Variants in DAZAP1 observed in about 807,000 individuals in gnomAD.
DAZAP1 encodes DAZ-associated protein 1.
In DAZAP1, 6 loss-of-function variants were observed where a neutral mutation model predicts 60.1. The observed-to-expected ratio is 0.10, with a 90% CI of 0.05 to 0.20. The LOEUF (loss-of-function observed/expected upper bound fraction) is 0.20, where lower values mean the gene tolerates loss of function less well. Ranked by LOEUF, DAZAP1 falls within the 10% of genes least tolerant of loss-of-function variation. The pLI, the probability that DAZAP1 is intolerant of heterozygous loss-of-function variation, is 1.00. For missense variants in DAZAP1, 366 were observed against 560.4 expected (o/e 0.65, Z 3.50); for synonymous variants, 235 against 215.9 (o/e 1.09, Z -0.78).
rs574918994 is a variant in DAZAP1, at chr19:1,435,218, C to T, written c.*306C>T. 55 of 186,778 alleles carry T rather than the reference C, an allele frequency of 2.9e-4. No homozygotes were observed. Among genetic ancestry groups the T allele is most frequent in the Admixed American group, 9.6e-4 (16 of 16,662 alleles). 11.6% of individuals were successfully genotyped at this position (186,778 alleles called of 1,614,324 possible). ...TTCCTTTTTTTTGGAAATTATTTTCCTGAGCCTTTTGTTTTACGGTATATT... is the reference window on the plus strand; with the variant it reads ...TTCCTTTTTTTTGGAAATTATTTTCTTGAGCCTTTTGTTTTACGGTATATT... On this transcript the variant is annotated 3_prime_UTR_variant, in exon 12 of 12. Coordinates refer to ENST00000233078, the MANE Select transcript of DAZAP1 (RefSeq NM_018959.4).
At position 1,418,567 on chromosome 19, in the gene DAZAP1, G is replaced by A. The variant is rs1405172541; in HGVS notation, c.238-99G>A. 5.6e-5 allele frequency: 84 copies of A among 1,508,452 alleles called. 1 individual carries two copies. Among genetic ancestry groups the A allele is most frequent in the Non-Finnish European group, 7.4e-5 (80 of 1,086,948 alleles). The allele number at this position is 1,508,452 out of a possible 1,614,324, so 93.4% of individuals were successfully genotyped here. Reference sequence around the variant, plus strand: ...GTGAATGGAGCCGGCGGGGCGGGGCGGGCCGGGCTGCTGTGCCGTGGCTGC... The same window carrying A: ...GTGAATGGAGCCGGCGGGGCGGGGCAGGCCGGGCTGCTGTGCCGTGGCTGC... On this transcript the variant is annotated intron_variant, in intron 3 of 11. Transcript: ENST00000233078. The surrounding 1 kb of genome is among the most constrained non-coding windows in gnomAD (Gnocchi z 5.7).
rs1204038345 is a variant in DAZAP1 at position 1,428,648 on chromosome 19, T to C, written c.547-194T>C. ...TCTGTTGTACCTGAGAAACATTTTTTAAACAAAAAAATTCAACACAAAAGA... is the reference window on the plus strand; with the variant it reads ...TCTGTTGTACCTGAGAAACATTTTTCAAACAAAAAAATTCAACACAAAAGA... On this transcript the variant is annotated intron_variant, in intron 7 of 11. Transcript: ENST00000233078. This position sits in a 1 kb window ranked among gnomAD's most constrained non-coding sequence, Gnocchi z 4.0. 1 of 716,022 alleles carries C rather than the reference T, an allele frequency of 1.4e-6. No individual in the cohort carries two copies. Among genetic ancestry groups the C allele is most frequent in the Non-Finnish European group, 2.2e-6 (1 of 450,100 alleles). 44.4% of individuals were successfully genotyped at this position (716,022 alleles called of 1,614,324 possible). A position where few individuals can be genotyped will look rare whatever the true frequency, so the allele number is the denominator to read the frequency against.
Position 1,428,796 on chromosome 19 carries a change from G to A in DAZAP1, c.547-46G>A. Reference sequence around the variant, plus strand: ...AGGGTGTGTCTAAAGGGAAGGGGGTGCTGGGACCCGCAGCCTCGCCCTAAA... The same window carrying A: ...AGGGTGTGTCTAAAGGGAAGGGGGTACTGGGACCCGCAGCCTCGCCCTAAA... On this transcript the variant is annotated intron_variant, in intron 7 of 11. Coordinates refer to ENST00000233078, the MANE Select transcript of DAZAP1 (RefSeq NM_018959.4). This position sits in a 1 kb window ranked among gnomAD's most constrained non-coding sequence, Gnocchi z 4.0. 2 of 1,610,430 alleles carry A rather than the reference G, an allele frequency of 1.2e-6. No homozygotes were observed. Among genetic ancestry groups the A allele is most frequent in the Middle Eastern group, 1.7e-4 (1 of 6,056 alleles).
chr19:1,430,254 G>GGGGGCC lies in DAZAP1; in HGVS notation c.763_764insGGGGCC (p.Ala255delinsGlyGlyPro). On this transcript the variant is annotated protein_altering_variant, in exon 10 of 12. Coordinates refer to ENST00000233078, the MANE Select transcript of DAZAP1 (RefSeq NM_018959.4). Reference sequence around the variant, plus strand: ...TGGACCGCCCCCTGCAGGAAGAGGAGCCCCCCCGCCACCCCCACCGTTCAC... The same window carrying GGGGGCC: ...TGGACCGCCCCCTGCAGGAAGAGGAGGGGGCCCCCCCCCGCCACCCCCACCGTTCAC... The GGGGGCC allele has an allele frequency of 1.5e-6, 2 of 1,295,262 alleles. No homozygotes were observed. Among genetic ancestry groups the GGGGGCC allele is most frequent in the Non-Finnish European group, 2.2e-6 (2 of 924,070 alleles). 80.2% of individuals were successfully genotyped at this position (1,295,262 alleles called of 1,614,324 possible). A position where few individuals can be genotyped will look rare whatever the true frequency, so the allele number is the denominator to read the frequency against.
intron 1 of DAZAP1, chr19:1,415,630 C>A (rs946436116): frequency 2.0e-5 from 3 of 151,904 alleles, no homozygotes; most frequent in Non-Finnish European, 4.4e-5. Context: ...GAGTGAGGCA[C>A]GCGGAGGCCT....
chr19:1,424,921 C>G (rs2083269623), intron 6 of DAZAP1, among the ~76,000 whole-genome samples: 2 of 152,230 alleles, frequency 1.3e-5, no homozygotes, highest in African/African-American at 4.8e-5. Flanking sequence ...CCTGGAGAGC[C>G]CGGCGCACTC....
At position 1,423,147 on chromosome 19, in the gene DAZAP1, G is replaced by T. The variant is rs906582626; in HGVS notation, c.463+751G>T. Among the ~76,000 whole-genome samples, 1 of 151,630 alleles carries T rather than the reference G, an allele frequency of 6.6e-6. No homozygotes were observed. Among genetic ancestry groups the T allele is most frequent in the Admixed American group, 6.7e-5 (1 of 14,964 alleles). On this transcript the variant is annotated intron_variant, in intron 6 of 11. Coordinates refer to ENST00000233078, the MANE Select transcript of DAZAP1 (RefSeq NM_018959.4). This position sits in a 1 kb window ranked among gnomAD's most constrained non-coding sequence, Gnocchi z 6.8. ...ACGTCCGTGCCGCCCCCGCACCACC[G>T]GCCCAGGTCAGTCGGGGCAGCCCCG... is the stretch of plus-strand genomic sequence containing the variant.
rs1366764776 is a variant in DAZAP1, at chr19:1,422,077, G to A, written c.415-271G>A. On this transcript the variant is annotated intron_variant, in intron 5 of 11. Transcript: ENST00000233078. The surrounding 1 kb of genome is among the most constrained non-coding windows in gnomAD (Gnocchi z 4.5). ...GCCCTTCATGTCCGTCAGCACACAC[G>A]TGAGCGGGGCCACGGGCAGCCCGGA... Among the ~76,000 whole-genome samples the A allele has an allele frequency of 6.6e-6, 1 of 152,142 alleles. No homozygotes were observed. The highest frequency in any genetic ancestry group is 1.5e-5 in the Non-Finnish European group (1 of 68,002).
chr19:1,434,808 G>A lies in DAZAP1; in HGVS notation c.1120G>A (p.Gly374Arg), dbSNP rs1187560518. 1.2e-6 allele frequency: 2 copies of A among 1,612,002 alleles called. No individual in the cohort carries two copies. Among genetic ancestry groups the A allele is most frequent in the Non-Finnish European group, 1.7e-6 (2 of 1,179,202 alleles). ...CCCCAGCCAGCAGCCTCCTTCCTAC[G>A]GGGGTCCCTCCGTGCCAGGGTCGGG... is the stretch of plus-strand genomic sequence containing the variant. ...SDPSQQPPSYGGPSVPGSGGP... is the reference protein window; with the variant it reads ...SDPSQQPPSYRGPSVPGSGGP... The change falls in exon 12 of 12, where the codon GGG becomes AGG. Residue 374 changes from glycine (G) to arginine (R), a missense_variant. Coordinates refer to ENST00000233078, the MANE Select transcript of DAZAP1 (RefSeq NM_018959.4). This position sits in a 1 kb window ranked among gnomAD's most constrained non-coding sequence, Gnocchi z 8.0.
At chr19:1,414,827 T>A (rs145283258) in intron 1 of DAZAP1, among the ~76,000 whole-genome samples, 6 of 152,170 alleles carry the variant, frequency 3.9e-5, no homozygotes, top group African/African-American at 1.4e-4. Context: ...TTTTTTATTT[T>A]TTTTTTAATT....
Position 1,426,204 on chromosome 19 carries a change from G to T in DAZAP1, c.546+244G>T. On this transcript the variant is annotated intron_variant, in intron 7 of 11. Transcript: ENST00000233078. The surrounding 1 kb of genome is among the most constrained non-coding windows in gnomAD (Gnocchi z 5.4). ...GGAGCCCCTCCCTCTGGGTGACCTG[G>T]GACTGGGCGGGTAGGGGGCTGGGGC... 2.1e-6 allele frequency: 1 copy of T among 482,286 alleles called. No individual in the cohort carries two copies. Among genetic ancestry groups the T allele is most frequent in the Non-Finnish European group, 3.8e-6 (1 of 262,428 alleles). The allele number at this position is 482,286 out of a possible 1,614,324, so 29.9% of individuals were successfully genotyped here. A position where few individuals can be genotyped will look rare whatever the true frequency, so the allele number is the denominator to read the frequency against.
rs559066241 is a variant in DAZAP1 at position 1,422,242 on chromosome 19, C to T, written c.415-106C>T. ...GTGCACCTCCCCCGCTCAGGGAGGG[C>T]GCACCCTGTGCGAGAGTTTGGGTTC... On this transcript the variant is annotated intron_variant, in intron 5 of 11. Transcript: ENST00000233078. This position sits in a 1 kb window ranked among gnomAD's most constrained non-coding sequence, Gnocchi z 4.5. 32 of 1,030,114 alleles carry T rather than the reference C, an allele frequency of 3.1e-5. No individual in the cohort carries two copies. Among genetic ancestry groups the T allele is most frequent in the Middle Eastern group, 5.9e-4 (2 of 3,410 alleles). The allele number at this position is 1,030,114 out of a possible 1,614,324, so 63.8% of individuals were successfully genotyped here. A position where few individuals can be genotyped will look rare whatever the true frequency, so the allele number is the denominator to read the frequency against.
rs2083002135 is a variant in DAZAP1, at chr19:1,416,928, T to G, written c.30-572T>G. On this transcript the variant is annotated intron_variant, in intron 1 of 11. Coordinates refer to ENST00000233078, the MANE Select transcript of DAZAP1 (RefSeq NM_018959.4). This position sits in a 1 kb window ranked among gnomAD's most constrained non-coding sequence, Gnocchi z 4.3. ...CGCGGGTTTGTCGGGGGTAAGTAAG[T>G]GGGGCCAGTGCTGAGACTGGAGCTT... 6.5e-6 allele frequency: 1 copy of G among 154,416 alleles called. No individual in the cohort carries two copies. Among genetic ancestry groups the G allele is most frequent in the Non-Finnish European group, 1.4e-5 (1 of 69,576 alleles). The allele number at this position is 154,416 out of a possible 1,614,324, so 9.6% of individuals were successfully genotyped here.
rs2083406102 is a variant in DAZAP1, at chr19:1,430,095, T to A, written c.730+99T>A. 3 of 1,576,388 alleles carry A rather than the reference T, an allele frequency of 1.9e-6. No homozygotes were observed. The East Asian group carries it at 6.8e-5, about 36-fold the overall frequency. On this transcript the variant is annotated intron_variant, in intron 9 of 11. Coordinates refer to ENST00000233078, the MANE Select transcript of DAZAP1 (RefSeq NM_018959.4). ...CAGCCGGCAAAGCCTGGTTCCCGTGTCCTGAGTGCTGGAGAGGAAGAGAGG... is the reference window on the plus strand; with the variant it reads ...CAGCCGGCAAAGCCTGGTTCCCGTGACCTGAGTGCTGGAGAGGAAGAGAGG...
Position 1,418,327 on chromosome 19 carries a change from G to T in DAZAP1, c.194G>T (p.Gly65Val). The part of the protein sequence containing the change: ...FVKFKDPNCV[G>V]TVLASRPHTL... Reference sequence around the variant, plus strand: ...AAATTTAAAGACCCAAACTGTGTGGGGACGGTGCTGGCCAGCAGACCGCAC... The same window carrying T: ...AAATTTAAAGACCCAAACTGTGTGGTGACGGTGCTGGCCAGCAGACCGCAC... The change falls in exon 3 of 12, where the codon GGG becomes GTG. Residue 65 changes from glycine to valine, a missense_variant. Around this residue, in one of 3 missense-constraint regions of DAZAP1, gnomAD observed 98 missense variants for 155.3 expected, o/e 0.63. Coordinates refer to ENST00000233078, the MANE Select transcript of DAZAP1 (RefSeq NM_018959.4). This position sits in a 1 kb window ranked among gnomAD's most constrained non-coding sequence, Gnocchi z 5.7. The T allele has an allele frequency of 6.2e-7, 1 of 1,614,192 alleles. No individual in the cohort carries two copies. The highest frequency in any genetic ancestry group is 8.5e-7 in the Non-Finnish European group (1 of 1,180,040).
Position 1,426,335 on chromosome 19 carries a change from T to A in DAZAP1, c.546+375T>A. The A allele has an allele frequency of 3.5e-6, 1 of 286,766 alleles. No homozygotes were observed. The highest frequency in any genetic ancestry group is 3.4e-5 in the South Asian group (1 of 29,342). 17.8% of individuals were successfully genotyped at this position (286,766 alleles called of 1,614,324 possible). On this transcript the variant is annotated intron_variant, in intron 7 of 11. Transcript: ENST00000233078. The surrounding 1 kb of genome is among the most constrained non-coding windows in gnomAD (Gnocchi z 5.4). ...CAGATGTCTGCAAATCCCCATTGTC[T>A]GACACTGACCTGTAATGTGATCAGC...
At position 1,430,253 on chromosome 19, in the gene DAZAP1, AGCCCCCCC is replaced by A; in HGVS notation, c.766_773del (p.Pro256ThrfsTer168). ...ATGGACCGCCCCCTGCAGGAAGAGG[AGCCCCCCC>A]GCCACCCCCACCGTTCACCTCCTAC... On this transcript the variant is annotated frameshift_variant, in exon 10 of 12. Transcript: ENST00000233078. LOFTEE classifies it high-confidence loss of function. 4 of 1,352,976 alleles carry A rather than the reference AGCCCCCCC, an allele frequency of 3.0e-6. No homozygotes were observed. The highest frequency in any genetic ancestry group is 4.1e-6 in the Non-Finnish European group (4 of 973,790). 83.8% of individuals were successfully genotyped at this position (1,352,976 alleles called of 1,614,324 possible). A position where few individuals can be genotyped will look rare whatever the true frequency, so the allele number is the denominator to read the frequency against.
intron 1 of DAZAP1, among the ~76,000 whole-genome samples, chr19:1,412,123 C>T (rs993782406): frequency 1.3e-5 from 2 of 152,164 alleles, no homozygotes; most frequent in Non-Finnish European, 2.9e-5. Context: ...TGTGGGCATT[C>T]AGGGGCTCCT....
chr19:1,422,214 C>G lies in DAZAP1; in HGVS notation c.415-134C>G. 1.3e-6 allele frequency: 1 copy of G among 743,314 alleles called. No homozygotes were observed. The highest frequency in any genetic ancestry group is 2.3e-6 in the Non-Finnish European group (1 of 434,608). 46.0% of individuals were successfully genotyped at this position (743,314 alleles called of 1,614,324 possible). A position where few individuals can be genotyped will look rare whatever the true frequency, so the allele number is the denominator to read the frequency against. On this transcript the variant is annotated intron_variant, in intron 5 of 11. Transcript: ENST00000233078. This position sits in a 1 kb window ranked among gnomAD's most constrained non-coding sequence, Gnocchi z 4.5. ...CAGCAGCCCCACGGAGCAGCTGTTG[C>G]CCGTGCACCTCCCCCGCTCAGGGAG...
Sources: allele counts gnomAD v4.1 joint callset (sites outside exome capture counted in the v4.1 genomes callset), GRCh38; gene constraint gnomAD v4.1.1; regional missense constraint gnomAD v4.1.1; non-coding constraint Gnocchi (gnomAD v3.1); transcripts MANE v1.5; gene names NCBI Gene and HGNC (gene_info 2026-07-23, HGNC 2026-07-21).